THOP1: variants seen among roughly 807,000 people sequenced by gnomAD.
The protein encoded by THOP1 is thimet oligopeptidase.
A neutral mutation model predicts 71.8 loss-of-function variants in THOP1; 49 were observed. The ratio of observed to expected loss-of-function variants is 0.68; its 90% CI spans 0.54 to 0.87. The LOEUF (loss-of-function observed/expected upper bound fraction) is 0.87, where lower values mean the gene tolerates loss of function less well. Among genes scored for constraint, THOP1 ranks in the 40% least tolerant of loss-of-function variants. The pLI, the probability that THOP1 is intolerant of heterozygous loss-of-function variation, is 0.00. For missense variants in THOP1, 843 were observed against 975.6 expected, an observed-to-expected ratio of 0.86 and a Z score of 1.81; for synonymous variants, 426 against 421.5, an observed-to-expected ratio of 1.01 and a Z score of -0.13.
chr19:2,790,567 G>A lies in THOP1; in HGVS notation c.163G>A (p.Glu55Lys), dbSNP rs760960871. The change falls in exon 2 of 13, where the codon GAG (glutamate) becomes AAG (lysine). Residue 55 changes from glutamate (E) to lysine (K), a missense_variant. Transcript: ENST00000307741. ...KRVYDQVGTQ[E>K]FEDVSYESTL... The stretch of plus-strand genomic sequence containing the variant: ...CGTGTATGACCAGGTTGGCACCCAG[G>A]AGTTTGAGGACGTGTCCTACGAGAG... 3.1e-6 allele frequency: 5 copies of A among 1,606,678 alleles called. No individual in the cohort carries two copies. Among genetic ancestry groups the A allele is most frequent in the African/African-American group, 1.3e-5 (1 of 74,588 alleles).
chr19:2,809,126 C>G (rs963341510), intron 9 of THOP1, among the ~76,000 whole-genome samples: 1 of 152,238 alleles, frequency 6.6e-6, no homozygotes, highest in Non-Finnish European at 1.5e-5. Flanking sequence ...ACCTGTCCCT[C>G]CAAGGGGACC....
Position 2,804,802 on chromosome 19 carries a change from G to A in THOP1, c.590-214G>A. Reference sequence around the variant, plus strand: ...GCGGGACGTGAGAAACGTGGCAGGTGGTGGCCAGGCTGTGGGGGAGCCAGG... The same window carrying A: ...GCGGGACGTGAGAAACGTGGCAGGTAGTGGCCAGGCTGTGGGGGAGCCAGG... On this transcript the variant is annotated intron_variant, in intron 5 of 12. Transcript: ENST00000307741. This position sits in a 1 kb window ranked among gnomAD's most constrained non-coding sequence, Gnocchi z 4.7. 9.3e-6 allele frequency: 5 copies of A among 537,640 alleles called. No individual in the cohort carries two copies. The highest frequency in any genetic ancestry group is 1.3e-5 in the Non-Finnish European group (4 of 306,664). 33.3% of individuals were successfully genotyped at this position (537,640 alleles called of 1,614,324 possible).
chr19:2,808,352 C>T lies in THOP1; in HGVS notation c.1363C>T (p.Pro455Ser), dbSNP rs762025666. Residue 455 changes from proline (P) to serine (S), a missense_variant, in exon 9 of 13, where the codon CCC becomes TCC. Physicochemically the swap from Pro to Ser is moderately conservative, Grantham distance 74. Transcript: ENST00000307741. ...IAAMVANFTKPTADAPSLLQH... is the reference protein window; with the variant it reads ...IAAMVANFTKSTADAPSLLQH... ...GGCCATGGTGGCCAACTTCACCAAG[C>T]CCACAGCCGACGCGCCCTCGCTGCT... 1.9e-6 allele frequency: 3 copies of T among 1,608,784 alleles called. No individual in the cohort carries two copies. Among genetic ancestry groups the T allele is most frequent in the Non-Finnish European group, 1.7e-6 (2 of 1,178,006 alleles).
rs775432116 is a variant in THOP1 at position 2,811,594 on chromosome 19, C to G, written c.1772-4C>G. On this transcript the variant is annotated splice_polypyrimidine_tract_variant and splice_region_variant and intron_variant, in intron 11 of 12. Transcript: ENST00000307741. ...GCGTGAACCCTGCCATGTGTCCGCC[C>G]CAGGAACCAACATGCCTGCAACCTT... 34 of 1,611,970 alleles carry G rather than the reference C, an allele frequency of 2.1e-5. No homozygotes were observed. Among genetic ancestry groups the G allele is most frequent in the Non-Finnish European group, 2.8e-5 (33 of 1,179,326 alleles).
Position 2,805,256 on chromosome 19 carries a change from C to G in THOP1, c.750+80C>G, listed in dbSNP as rs140166259. The G allele has an allele frequency of 6.8e-7, 1 of 1,464,340 alleles. No individual in the cohort carries two copies. Among genetic ancestry groups the G allele is most frequent in the Admixed American group, 2.4e-5 (1 of 41,366 alleles). 90.7% of individuals were successfully genotyped at this position (1,464,340 alleles called of 1,614,324 possible). A position where few individuals can be genotyped will look rare whatever the true frequency, so the allele number is the denominator to read the frequency against. On this transcript the variant is annotated intron_variant, in intron 6 of 12. Coordinates refer to ENST00000307741, the MANE Select transcript of THOP1 (RefSeq NM_003249.5). The surrounding 1 kb of genome is among the most constrained non-coding windows in gnomAD (Gnocchi z 6.6). ...CCGTCTGCTCCATGTGTGTGAGGCA[C>G]CTCCAGGCTTTGCACTTGGATGGCC...
At position 2,811,605 on chromosome 19, in the gene THOP1, C is replaced by T. The variant is rs1916463619; in HGVS notation, c.1779C>T (p.Asn593=). Residue 593 remains asparagine, a synonymous_variant, in exon 12 of 13, where the codon AAC becomes AAT. Coordinates refer to ENST00000307741, the MANE Select transcript of THOP1 (RefSeq NM_003249.5). ...ILGVPATPGT[N]MPATFGHLAG... ...GCCATGTGTCCGCCCCAGGAACCAA[C>T]ATGCCTGCAACCTTCGGCCATCTGG... The T allele has an allele frequency of 6.2e-7, 1 of 1,612,724 alleles. No homozygotes were observed. The highest frequency in any genetic ancestry group is 1.1e-5 in the South Asian group (1 of 91,050).
At chr19:2,798,192 C>G (rs748762696) in intron 4 of THOP1, among the ~76,000 whole-genome samples, 1 of 151,266 alleles carries the variant, frequency 6.6e-6, no homozygotes, top group Non-Finnish European at 1.5e-5. Flanking sequence ...ACACAGCTGG[C>G]TAATTTTTTT....
At chr19:2,802,266 C>A (rs1486535202) in intron 5 of THOP1, among the ~76,000 whole-genome samples, 1 of 137,070 alleles carries the variant, frequency 7.3e-6, no homozygotes, top group Non-Finnish European at 1.6e-5. Context: ...TCCCGACACA[C>A]CCACCTCCCG....
At chr19:2,794,712 G>A (rs557682057) in intron 2 of THOP1, 52 bp from the exon 3 acceptor site, 18 of 1,575,666 alleles carry the variant, frequency 1.1e-5, no homozygotes, top group Non-Finnish European at 1.6e-5. Flanking sequence ...ACACCTGCCA[G>A]TTGTACTGGG....
chr19:2,794,276 A>G (rs1915957034), intron 2 of THOP1, among the ~76,000 whole-genome samples: 1 of 151,922 alleles, frequency 6.6e-6, no homozygotes, highest in African/African-American at 2.4e-5. Context: ...CGGCCTCCCA[A>G]AGGGCTGGGA....
intron 2 of THOP1, among the ~76,000 whole-genome samples, chr19:2,791,842 C>T (rs78455817): frequency 1.1e-3 from 171 of 152,328 alleles, no homozygotes; most frequent in African/African-American, 3.8e-3. Flanking sequence ...GGGGCCTTTC[C>T]GCTTCCCTCA....
At chr19:2,786,079 G>A (rs936108030) in intron 1 of THOP1, among the ~76,000 whole-genome samples, 2 of 149,654 alleles carry the variant, frequency 1.3e-5, no homozygotes, top group African/African-American at 5.1e-5. Context: ...GCAGTCCCAG[G>A]GACACGTTTT....
rs1333377983 is a variant in THOP1, at chr19:2,813,141, C to T, written c.1935C>T (p.Ile645=). 1.9e-6 allele frequency: 3 copies of T among 1,611,658 alleles called. No homozygotes were observed. Among genetic ancestry groups the T allele is most frequent in the African/African-American group, 2.7e-5 (2 of 74,904 alleles). ...TTGGCATGGATTACAGAAGCTGCATCCTGAGACCCGGCGGTTCCGAGGATG... is the reference window on the plus strand; with the variant it reads ...TTGGCATGGATTACAGAAGCTGCATTCTGAGACCCGGCGGTTCCGAGGATG... ...SKVGMDYRSC[I]LRPGGSEDAS... The change falls in exon 13 of 13, where the codon ATC becomes ATT. Residue 645 remains isoleucine, a synonymous_variant. Coordinates refer to ENST00000307741, the MANE Select transcript of THOP1 (RefSeq NM_003249.5).
chr19:2,808,542 T>A, intron 9 of THOP1, 98 bp downstream of exon 9: 1 of 1,328,292 alleles, frequency 7.5e-7, no homozygotes, highest in Non-Finnish European at 1.0e-6. Context: ...TCCGGCTCTC[T>A]CTGCACCCGT....
At chr19:2,806,318 G>A (rs1212263662) in intron 6 of THOP1, 1 of 153,044 alleles carries the variant, frequency 6.5e-6, no homozygotes, top group Non-Finnish European at 1.5e-5. Flanking sequence ...CCCGGGGGAT[G>A]TGCCGCCTCA....
chr19:2,807,654 C>T lies in THOP1; in HGVS notation c.1099C>T (p.His367Tyr). ...KEYFPVQVVTHGLLGIYQELL... is the reference protein window; with the variant it reads ...KEYFPVQVVTYGLLGIYQELL... ...GTACTTCCCCGTGCAGGTGGTCACG[C>T]ACGGGCTGCTGGGCATCTACCAGGA... Residue 367 changes from histidine to tyrosine, a missense_variant, in exon 8 of 13, where the codon CAC becomes TAC. Transcript: ENST00000307741. 1.9e-6 allele frequency: 3 copies of T among 1,609,314 alleles called. No homozygotes were observed. Among genetic ancestry groups the T allele is most frequent in the East Asian group, 2.2e-5 (1 of 44,780 alleles).
intron 4 of THOP1, among the ~76,000 whole-genome samples, chr19:2,798,190 G>A (rs1183920501): frequency 6.6e-6 from 1 of 151,348 alleles, no homozygotes; most frequent in Non-Finnish European, 1.5e-5. Flanking sequence ...CAACACAGCT[G>A]GCTAATTTTT....
At position 2,801,099 on chromosome 19, in the gene THOP1, C is replaced by T. The variant is rs1332553399; in HGVS notation, c.589+1308C>T. On this transcript the variant is annotated intron_variant, in intron 5 of 12. Coordinates refer to ENST00000307741, the MANE Select transcript of THOP1 (RefSeq NM_003249.5). This position sits in a 1 kb window ranked among gnomAD's most constrained non-coding sequence, Gnocchi z 5.1. ...ATGAGAGAAGGTGCAGAGGTGGATT[C>T]TGGGATTAGCAGGTGATTGTTGGAA... 1.3e-5 allele frequency among the ~76,000 whole-genome samples: 2 copies of T among 152,196 alleles called. No homozygotes were observed. The highest frequency in any genetic ancestry group is 2.9e-5 in the Non-Finnish European group (2 of 68,046).
chr19:2,797,970 T>C (rs1259018549), intron 4 of THOP1, among the ~76,000 whole-genome samples: 23 of 152,196 alleles, frequency 1.5e-4, no homozygotes, highest in Admixed American at 1.5e-3. Flanking sequence ...ACTCGGGGAC[T>C]GGGGGTCCTC....
Sources: allele counts gnomAD v4.1 joint callset (sites outside exome capture counted in the v4.1 genomes callset), GRCh38; gene constraint gnomAD v4.1.1; non-coding constraint Gnocchi (gnomAD v3.1); transcripts MANE v1.5; gene names NCBI Gene and HGNC (gene_info 2026-07-23, HGNC 2026-07-21).